CYBRD1: variants seen among roughly 807,000 people sequenced by gnomAD.
The protein encoded by CYBRD1 is plasma membrane ascorbate-dependent reductase CYBRD1.
A neutral mutation model predicts 21.9 loss-of-function variants in CYBRD1; 14 were observed. The ratio of observed to expected loss-of-function variants is 0.64; its 90% CI spans 0.42 to 1.00. The LOEUF (loss-of-function observed/expected upper bound fraction) is 1.00. CYBRD1 is among the 50% of genes least tolerant of loss of function. The pLI, the probability that CYBRD1 is intolerant of heterozygous loss-of-function variation, is 0.00. For missense variants in CYBRD1, 328 were observed against 352.5 expected, an observed-to-expected ratio of 0.93 and a Z score of 0.56; for synonymous variants, 146 against 136.5, an observed-to-expected ratio of 1.07 and a Z score of -0.48.
At chr2:171,538,495 C>T (rs905771860) in intron 1 of CYBRD1, among the ~76,000 whole-genome samples, 12 of 152,072 alleles carry the variant, frequency 7.9e-5, no homozygotes, top group Non-Finnish European at 1.6e-4. Flanking sequence ...AAATGATTAT[C>T]CAAAAAGTCT....
rs7586144 is a variant in CYBRD1 at position 171,541,801 on chromosome 2, T to C, written c.402+8T>C. The C allele has an allele frequency of 0.74, 1,190,233 of 1,604,418 alleles. 443,254 individuals carry two copies. The highest frequency in any genetic ancestry group is 0.88 in the East Asian group (39,639 of 44,796). On this transcript the variant is annotated splice_region_variant and intron_variant, in intron 2 of 3. Transcript: ENST00000321348. ...ATATGCTATTTGTTACAGGTCAGTA[T>C]TTCAGTGTATTTACAAGCAAGTTAT...
chr2:171,533,754 TTTTCTTTC>T, intron 1 of CYBRD1, among the ~76,000 whole-genome samples: 1 of 148,628 alleles, frequency 6.7e-6, no homozygotes, highest in South Asian at 2.1e-4. Flanking sequence ...TTTTCTTTTC[TTTTCTTTC>T]TTTCTTTCTT....
In CYBRD1 at chr2:171,553,513, GTCT is replaced by G. The variant is rs753292572; in HGVS notation, c.557+18_557+20del. ...TGATTTTTTCCCTGTAAGTTGCATA[GTCT>G]TCTTAATTGTAATACTTAAGCCACA... is the stretch of plus-strand genomic sequence containing the variant. On this transcript the variant is annotated intron_variant, in intron 3 of 3. Transcript: ENST00000321348. The G allele has an allele frequency of 7.5e-6, 12 of 1,608,888 alleles. No homozygotes were observed. The African/African-American group carries it at 1.5e-4, about 20-fold the overall frequency.
Position 171,554,605 on chromosome 2 carries a change from C to G in CYBRD1, c.639C>G (p.Ala213=). Residue 213 remains alanine, a synonymous_variant, in exon 4 of 4, where the codon GCC becomes GCG. Coordinates refer to ENST00000321348, the MANE Select transcript of CYBRD1 (RefSeq NM_024843.4). ...GCCTTCTGATCCTGGTGTTCGGGGC[C>G]CTCATTTTTTGGATAGTCACCAGAC... is the stretch of plus-strand genomic sequence containing the variant. ...TLGLLILVFG[A]LIFWIVTRPQ... 2 of 1,613,970 alleles carry G rather than the reference C, an allele frequency of 1.2e-6. No individual in the cohort carries two copies. The highest frequency in any genetic ancestry group is 1.7e-6 in the Non-Finnish European group (2 of 1,179,960).
At chr2:171,546,760 C>T (rs1435929003) in intron 2 of CYBRD1, among the ~76,000 whole-genome samples, 1 of 152,032 alleles carries the variant, frequency 6.6e-6, no homozygotes, top group Non-Finnish European at 1.5e-5. Flanking sequence ...GGAAGTCACA[C>T]CTCACACCAA....
At chr2:171,540,426 C>G (rs1697612696) in intron 1 of CYBRD1, among the ~76,000 whole-genome samples, 1 of 152,024 alleles carries the variant, frequency 6.6e-6, no homozygotes, top group Non-Finnish European at 1.5e-5. Context: ...GTTTTGGTTA[C>G]TATAAATAGT....
intron 1 of CYBRD1, among the ~76,000 whole-genome samples, chr2:171,531,023 T>A (rs530850451): frequency 1.3e-5 from 2 of 151,672 alleles, no homozygotes; most frequent in African/African-American, 4.8e-5. Flanking sequence ...GGCGTGCTGG[T>A]GTGTGTTGGT....
intron 2 of CYBRD1, among the ~76,000 whole-genome samples, chr2:171,547,720 T>C (rs1200171676): frequency 6.6e-6 from 1 of 152,142 alleles, no homozygotes; most frequent in Non-Finnish European, 1.5e-5. Context: ...TTGCTTCTGT[T>C]TTTCCCATGA....
intron 3 of CYBRD1, among the ~76,000 whole-genome samples, chr2:171,554,260 C>T (rs1683442021): frequency 6.6e-6 from 1 of 152,148 alleles, no homozygotes; most frequent in East Asian, 1.9e-4. Context: ...GTGAATTGAC[C>T]TGAGGTTGCC....
At chr2:171,553,607 A>G in intron 3 of CYBRD1, 107 bp downstream of exon 3, 1 of 1,002,294 alleles carries the variant, frequency 1.0e-6, no homozygotes, top group Non-Finnish European at 1.3e-6. Flanking sequence ...TAGATATTAA[A>G]ATTAAAAAAT....
At chr2:171,532,199 G>T (rs1697476983) in intron 1 of CYBRD1, among the ~76,000 whole-genome samples, 1 of 152,210 alleles carries the variant, frequency 6.6e-6, no homozygotes. Context: ...GCGTGCAGAG[G>T]GAAATGAGTT....
rs928164231 is a variant in CYBRD1, at chr2:171,554,950, A to G, written c.*123A>G. The G allele has an allele frequency of 4.6e-6, 5 of 1,087,152 alleles. No homozygotes were observed. Among genetic ancestry groups the G allele is most frequent in the Non-Finnish European group, 6.8e-6 (5 of 737,532 alleles). The allele number at this position is 1,087,152 out of a possible 1,614,324, so 67.3% of individuals were successfully genotyped here. On this transcript the variant is annotated 3_prime_UTR_variant, in exon 4 of 4. Transcript: ENST00000321348. ...TCAATATTTACTTTAATCACAAAGG[A>G]TGGTTTCTTGAAATAATTTGTATTG...
At chr2:171,522,344 G>A (rs1213600834), upstream of CYBRD1, 1 of 1,515,074 alleles carries the variant, frequency 6.6e-7, no homozygotes, top group African/African-American at 1.4e-5. The surrounding 1 kb of genome is among the most constrained non-coding windows in gnomAD (Gnocchi z 4.3). Flanking sequence ...CCCGGGGGTG[G>A]GGCCCATTTC....
intron 3 of CYBRD1, among the ~76,000 whole-genome samples, chr2:171,554,301 G>A (rs1390258746): frequency 6.6e-6 from 1 of 152,120 alleles, no homozygotes; most frequent in Admixed American, 6.5e-5. Flanking sequence ...CTTAAAACAA[G>A]TGTTACAGAT....
rs1683451463 is a variant in CYBRD1 at position 171,554,694 on chromosome 2, A to G, written c.728A>G (p.Gln243Arg). The G allele has an allele frequency of 1.9e-6, 3 of 1,614,104 alleles. No homozygotes were observed. The highest frequency in any genetic ancestry group is 1.1e-5 in the South Asian group (1 of 91,084). ...CTTCATCCAAATGGAGGCACTGAAC[A>G]GGGAGCAAGAGGTTCCATGCCAGCC... The part of the protein sequence containing the change: ...TILHPNGGTE[Q>R]GARGSMPAYS... The change falls in exon 4 of 4, where the codon CAG (glutamine) becomes CGG (arginine). Residue 243 changes from glutamine to arginine, a missense_variant. Coordinates refer to ENST00000321348, the MANE Select transcript of CYBRD1 (RefSeq NM_024843.4).
intron 1 of CYBRD1, among the ~76,000 whole-genome samples, chr2:171,535,846 C>A (rs1697536283): frequency 1.3e-5 from 2 of 152,056 alleles, no homozygotes; most frequent in South Asian, 2.1e-4. Context: ...CACTGGGTTG[C>A]CCAAGCTGGT....
intron 1 of CYBRD1, among the ~76,000 whole-genome samples, chr2:171,531,837 C>A: frequency 6.6e-6 from 1 of 152,138 alleles, no homozygotes; most frequent in East Asian, 1.9e-4. Context: ...TGAAAACACA[C>A]AATTTCTGAA....
intron 1 of CYBRD1, among the ~76,000 whole-genome samples, chr2:171,524,084 T>TTGCTTTGGCAA (rs1697350284): frequency 6.6e-6 from 1 of 152,220 alleles, no homozygotes; most frequent in Admixed American, 6.5e-5. Context: ...GTTTTAAACT[T>TTGCTTTGGCAA]GTACTGCAGC....
At chr2:171,543,953 T>C (rs1192917827) in intron 2 of CYBRD1, among the ~76,000 whole-genome samples, 1 of 152,222 alleles carries the variant, frequency 6.6e-6, no homozygotes, top group African/African-American at 2.4e-5. Context: ...TCTGGGCATA[T>C]ACATAGTAGT....
Sources: gnomAD v4.1 joint callset for allele counts (sites outside exome capture counted in the v4.1 genomes callset) on GRCh38, gnomAD v4.1.1 for gene constraint, Gnocchi (gnomAD v3.1) non-coding constraint, MANE v1.5 for transcripts, NCBI Gene and HGNC (gene_info 2026-07-23, HGNC 2026-07-21) for gene names.